Variants in PARD3B observed in about 807,000 individuals in gnomAD.
PARD3B encodes partitioning defective 3 homolog B.
Under a neutral mutation model 130.2 loss-of-function variants are expected in PARD3B, and 103 were observed. That is an observed-to-expected ratio of 0.79 (90% CI 0.67 to 0.93). The LOEUF is 0.93. PARD3B is among the 40% of genes least tolerant of loss of function. PARD3B has a pLI of 0.00. For synonymous variants in PARD3B, 583 were observed against 553.2 expected (o/e 1.05, Z -0.76); for missense variants, 1,609 against 1,499.2 (o/e 1.07, Z -1.21).
intron 18 of PARD3B, among the ~76,000 whole-genome samples, chr2:205,380,950 T>TAAAGAATATATTATATATAAAG (rs529607774): frequency 6.1e-5 from 5 of 81,852 alleles, no homozygotes; most frequent in African/African-American, 3.1e-4. Flanking sequence ...ATATAATATA[T>TAAAGAATATATTATATATAAAG]AATGTATATA....
At position 204,568,023 on chromosome 2, in the gene PARD3B, G is replaced by T. The variant is rs1019473168; in HGVS notation, c.120+21904G>T. Among the ~76,000 whole-genome samples, 72 of 152,248 alleles carry T rather than the reference G, an allele frequency of 4.7e-4. 1 individual carries two copies. Among genetic ancestry groups the T allele is most frequent in the East Asian group, 1.9e-4 (1 of 5,188 alleles). On this transcript the variant is annotated intron_variant, in intron 1 of 22. Transcript: ENST00000406610. Reference sequence around the variant, plus strand: ...AGTTTTCATACAACTAAAATATTTAGAATAATTTTTGAAAAGATTTAAAAT... The same window carrying T: ...AGTTTTCATACAACTAAAATATTTATAATAATTTTTGAAAAGATTTAAAAT...
At position 204,890,211 on chromosome 2, in the gene PARD3B, G is replaced by A. The variant is rs2046397190; in HGVS notation, c.223-74941G>A. ...GTCTAGGCACAGTGTCAATGCTGTGGTGGCCCTAGTGTGTACAGGAAGGTA... is the reference window on the plus strand; with the variant it reads ...GTCTAGGCACAGTGTCAATGCTGTGATGGCCCTAGTGTGTACAGGAAGGTA... On this transcript the variant is annotated intron_variant, in intron 2 of 22. Transcript: ENST00000406610. The surrounding 1 kb of genome is among the most constrained non-coding windows in gnomAD (Gnocchi z 4.9). Among the ~76,000 whole-genome samples the A allele has an allele frequency of 6.6e-6, 1 of 152,188 alleles. No homozygotes were observed. The highest frequency in any genetic ancestry group is 2.1e-4 in the South Asian group (1 of 4,830).
rs1040808943 is a variant in PARD3B, at chr2:204,777,938, A to G, written c.222+91656A>G. Among the ~76,000 whole-genome samples, 14 of 152,162 alleles carry G rather than the reference A, an allele frequency of 9.2e-5. No homozygotes were observed. In the South Asian group the frequency reaches 2.7e-3, roughly 29 times the overall value. ...GAGTTTCATGAGCTCTGATGGTTTT[A>G]TAAGTGTTTGACAGTTTCTCCTTCA... On this transcript the variant is annotated intron_variant, in intron 2 of 22. Coordinates refer to ENST00000406610, the MANE Select transcript of PARD3B (RefSeq NM_001302769.2).
rs531828259 is a variant in PARD3B at position 204,836,584 on chromosome 2, A to G, written c.223-128568A>G. ...AGGCTGAGGCAGCAGAATCGCTTGAACCCAGGAGGCGGAAGTTGGTGCGCC... is the reference window on the plus strand; with the variant it reads ...AGGCTGAGGCAGCAGAATCGCTTGAGCCCAGGAGGCGGAAGTTGGTGCGCC... On this transcript the variant is annotated intron_variant, in intron 2 of 22. Transcript: ENST00000406610. Among the ~76,000 whole-genome samples, 15 of 152,262 alleles carry G rather than the reference A, an allele frequency of 9.9e-5. No individual in the cohort carries two copies. In the South Asian group the frequency reaches 3.1e-3, roughly 32 times the overall value.
At chr2:205,068,170 G>A (rs563733101) in intron 4 of PARD3B, among the ~76,000 whole-genome samples, 5 of 152,114 alleles carry the variant, frequency 3.3e-5, no homozygotes, top group Non-Finnish European at 7.4e-5. Context: ...CTCTGTTTGG[G>A]GATGGGGCAG....
rs1239980875 is a variant in PARD3B at position 204,891,102 on chromosome 2, A to G, written c.223-74050A>G. Among the ~76,000 whole-genome samples, 3 of 152,110 alleles carry G rather than the reference A, an allele frequency of 2.0e-5. No individual in the cohort carries two copies. In the East Asian group the frequency reaches 5.8e-4, roughly 29 times the overall value. On this transcript the variant is annotated intron_variant, in intron 2 of 22. Coordinates refer to ENST00000406610, the MANE Select transcript of PARD3B (RefSeq NM_001302769.2). ...CTTTTCAATGGCTGCTGACAAAATT[A>G]CAACAGCACCACCCAGGACCCGATA...
In PARD3B at chr2:205,605,823, G is replaced by A. The variant is rs368324488; in HGVS notation, c.3261-9633G>A. Among the ~76,000 whole-genome samples the A allele has an allele frequency of 1.4e-4, 22 of 152,292 alleles. No individual in the cohort carries two copies. The East Asian group carries it at 4.1e-3, about 28-fold the overall frequency. The stretch of plus-strand genomic sequence containing the variant: ...GGAATCCCACTTGTCCAGACTGCCC[G>A]GATTCCTCAGAGCCAGCAGCAGGAA... On this transcript the variant is annotated intron_variant, in intron 22 of 22. Coordinates refer to ENST00000406610, the MANE Select transcript of PARD3B (RefSeq NM_001302769.2).
rs1055765479 is a variant in PARD3B at position 205,458,932 on chromosome 2, G to T, written c.3044+18260G>T. ...GAAGCTGGATTTTAGTTATGTGAGG[G>T]GTAGTGTATTAGTTTACTCTTACTC... On this transcript the variant is annotated intron_variant, in intron 20 of 22. Transcript: ENST00000406610. This position sits in a 1 kb window ranked among gnomAD's most constrained non-coding sequence, Gnocchi z 4.8. Among the ~76,000 whole-genome samples, 4 of 152,072 alleles carry T rather than the reference G, an allele frequency of 2.6e-5. No individual in the cohort carries two copies. Among genetic ancestry groups the T allele is most frequent in the African/African-American group, 9.7e-5 (4 of 41,414 alleles).
At chr2:204,817,348 C>T (rs1355333920) in intron 2 of PARD3B, among the ~76,000 whole-genome samples, 1 of 151,692 alleles carries the variant, frequency 6.6e-6, no homozygotes, top group African/African-American at 2.4e-5. Context: ...TTCTGAGACA[C>T]AGCTAGATTT....
chr2:204,650,125 T>C (rs1270700030), intron 1 of PARD3B, among the ~76,000 whole-genome samples: 1 of 152,136 alleles, frequency 6.6e-6, no homozygotes, highest in Non-Finnish European at 1.5e-5. Flanking sequence ...AAAGAAGATA[T>C]ACATGCAGCA....
intron 2 of PARD3B, 34 bp downstream of exon 2, chr2:204,686,316 C>T (rs748786670): frequency 7.0e-7 from 1 of 1,434,652 alleles, no homozygotes; most frequent in South Asian, 1.1e-5. Context: ...TCTTTGTTTT[C>T]CTCTACAGAG....
intron 18 of PARD3B, among the ~76,000 whole-genome samples, chr2:205,390,143 T>G (rs2045801759): frequency 6.6e-6 from 1 of 151,776 alleles, no homozygotes; most frequent in East Asian, 1.9e-4. Flanking sequence ...TCTTTTGTAT[T>G]TATACAATAA....
At chr2:204,733,376 TGAGA>T (rs1375951304) in intron 2 of PARD3B, among the ~76,000 whole-genome samples, 1 of 151,944 alleles carries the variant, frequency 6.6e-6, no homozygotes, top group East Asian at 1.9e-4. Flanking sequence ...TGTAAGTAAA[TGAGA>T]GATACAGTTT....
At chr2:205,358,051 T>C (rs151312860) in intron 18 of PARD3B, among the ~76,000 whole-genome samples, 135 of 152,334 alleles carry the variant, frequency 8.9e-4, no homozygotes, top group African/African-American at 2.6e-3. Context: ...AGGACGTAAA[T>C]TTCACATAAG....
At chr2:205,181,803 G>A (rs2035802463) in intron 13 of PARD3B, among the ~76,000 whole-genome samples, 1 of 152,204 alleles carries the variant, frequency 6.6e-6, no homozygotes, top group Non-Finnish European at 1.5e-5. Context: ...GGAGTGCTGT[G>A]TCAACATTTA....
At chr2:205,135,247 G>A (rs1047268012) in intron 10 of PARD3B, among the ~76,000 whole-genome samples, 1 of 152,204 alleles carries the variant, frequency 6.6e-6, no homozygotes, top group Non-Finnish European at 1.5e-5. Context: ...TAAGAAGTTG[G>A]TTACAAAACT....
At chr2:204,942,180 A>G (rs778156043) in intron 2 of PARD3B, among the ~76,000 whole-genome samples, 10 of 152,198 alleles carry the variant, frequency 6.6e-5, no homozygotes, top group African/African-American at 1.9e-4. Flanking sequence ...TTACAAACCA[A>G]TTGCTAAAAT....
chr2:204,999,483 A>G (rs1438779704), intron 3 of PARD3B, among the ~76,000 whole-genome samples: 1 of 152,198 alleles, frequency 6.6e-6, no homozygotes, highest in Non-Finnish European at 1.5e-5. Context: ...TTAAAATTGA[A>G]TTCTGAGCTT....
At chr2:205,207,521 A>T (rs1266928312) in intron 15 of PARD3B, among the ~76,000 whole-genome samples, 1 of 142,888 alleles carries the variant, frequency 7.0e-6, no homozygotes, top group Non-Finnish European at 1.5e-5. Flanking sequence ...TGCGATAAAA[A>T]ATGATAAAGG....
Sources: gnomAD v4.1 joint callset for allele counts (sites outside exome capture counted in the v4.1 genomes callset) on GRCh38, gnomAD v4.1.1 for gene constraint, Gnocchi (gnomAD v3.1) non-coding constraint, MANE v1.5 for transcripts, NCBI Gene and HGNC (gene_info 2026-07-23, HGNC 2026-07-21) for gene names.